The following DMGDH variants were observed in gnomAD, a reference collection of about 807,000 sequenced individuals.
The protein encoded by DMGDH is dimethylglycine dehydrogenase.
A neutral mutation model predicts 95.2 loss-of-function variants in DMGDH; 76 were observed. The ratio of observed to expected loss-of-function variants is 0.80; its 90% CI spans 0.66 to 0.97. The LOEUF (loss-of-function observed/expected upper bound fraction) is 0.97. Among genes scored for constraint, DMGDH ranks in the 50% least tolerant of loss-of-function variants. The probability of loss-of-function intolerance (pLI) is 0.00; values close to 1 mark genes in which losing one functional copy is unlikely to be tolerated. For missense variants in DMGDH, 987 were observed against 1,055.0 expected (o/e 0.94, Z 0.89); for synonymous variants, 345 against 377.6 (o/e 0.91, Z 1.00).
chr5:79,039,741 T>G (rs1754453742), intron 7 of DMGDH, among the ~76,000 whole-genome samples: 1 of 151,896 alleles, frequency 6.6e-6, no homozygotes, highest in Non-Finnish European at 1.5e-5. Context: ...ATAAAGAACT[T>G]TCAGTCTCAC....
In DMGDH at chr5:79,069,562, TGCAGCGGGCAGCTCCGCA is replaced by T; in HGVS notation, c.41_58del (p.Leu14_Leu19del). 7.5e-7 allele frequency: 1 copy of T among 1,341,782 alleles called. No homozygotes were observed. The highest frequency in any genetic ancestry group is 9.5e-7 in the Non-Finnish European group (1 of 1,047,422). The allele number at this position is 1,341,782 out of a possible 1,614,324, so 83.1% of individuals were successfully genotyped here. The stretch of plus-strand genomic sequence containing the variant: ...AGAGCGCGGGCGCCCGGGGGAGCCC[TGCAGCGGGCAGCTCCGCA>T]GCAGGAGGCCCCGCAGCAGCTGCGC... On this transcript the variant is annotated inframe_deletion, in exon 1 of 16. Coordinates refer to ENST00000255189, the MANE Select transcript of DMGDH (RefSeq NM_013391.3).
At chr5:79,028,059 C>T (rs373484129) in intron 12 of DMGDH, among the ~76,000 whole-genome samples, 4 of 152,134 alleles carry the variant, frequency 2.6e-5, no homozygotes, top group Admixed American at 6.5e-5. Context: ...AGGCTTGTCT[C>T]GAACTCCCGA....
At chr5:79,002,336 AAT>A (rs1264264638) in intron 15 of DMGDH, among the ~76,000 whole-genome samples, 1 of 152,204 alleles carries the variant, frequency 6.6e-6, no homozygotes, top group Non-Finnish European at 1.5e-5. Context: ...TGAGCCACCG[AAT>A]ATAAAGAAAG....
chr5:79,025,742 A>G (rs1473444339), intron 13 of DMGDH, among the ~76,000 whole-genome samples: 1 of 152,206 alleles, frequency 6.6e-6, no homozygotes, highest in Non-Finnish European at 1.5e-5. Flanking sequence ...CAAAGAAACA[A>G]CTACTGAATC....
At position 79,069,671 on chromosome 5, in the gene DMGDH, G is replaced by A. The variant is rs13188159; in HGVS notation, c.-51C>T. ...GCGCCTGCTCCGAGGCCAGCGGGCA[G>A]CCTGAGGCCGCGGGGCCGGCGGGGC... On this transcript the variant is annotated 5_prime_UTR_variant, in exon 1 of 16. Transcript: ENST00000255189. The A allele has an allele frequency of 1.5e-6, 2 of 1,292,342 alleles. No individual in the cohort carries two copies. Among genetic ancestry groups the A allele is most frequent in the Non-Finnish European group, 2.0e-6 (2 of 1,024,704 alleles). 80.1% of individuals were successfully genotyped at this position (1,292,342 alleles called of 1,614,324 possible).
intron 7 of DMGDH, among the ~76,000 whole-genome samples, chr5:79,040,879 T>C (rs1754489767): frequency 6.6e-6 from 1 of 152,106 alleles, no homozygotes; most frequent in African/African-American, 2.4e-5. Flanking sequence ...TGCCTGCATA[T>C]GGACTCTATA....
intron 14 of DMGDH, among the ~76,000 whole-genome samples, chr5:79,017,822 C>G (rs1753767481): frequency 6.6e-6 from 1 of 152,062 alleles, no homozygotes; most frequent in Non-Finnish European, 1.5e-5. Context: ...GATGCAAAAC[C>G]CAACTTTTTC....
intron 7 of DMGDH, among the ~76,000 whole-genome samples, chr5:79,041,652 G>A (rs1281721968): frequency 6.6e-6 from 1 of 152,114 alleles, no homozygotes; most frequent in East Asian, 1.9e-4. Flanking sequence ...AAGATACACA[G>A]CATAAAACCA....
At position 78,997,888 on chromosome 5, in the gene DMGDH, T is replaced by C. The variant is rs1405010073; in HGVS notation, c.*194A>G. 7 of 623,632 alleles carry C rather than the reference T, an allele frequency of 1.1e-5. No individual in the cohort carries two copies. The highest frequency in any genetic ancestry group is 1.7e-5 in the Non-Finnish European group (6 of 360,008). The allele number at this position is 623,632 out of a possible 1,614,324, so 38.6% of individuals were successfully genotyped here. On this transcript the variant is annotated 3_prime_UTR_variant, in exon 16 of 16. Coordinates refer to ENST00000255189, the MANE Select transcript of DMGDH (RefSeq NM_013391.3). ...CAAATTTCTTCATTTAAAAGAACAA[T>C]GTAAATCATTTATCTATTATTCTGT... is the stretch of plus-strand genomic sequence containing the variant.
At chr5:79,003,334 A>C (rs748132830) in intron 15 of DMGDH, among the ~76,000 whole-genome samples, 9 of 152,224 alleles carry the variant, frequency 5.9e-5, no homozygotes, top group Non-Finnish European at 1.0e-4. Flanking sequence ...GATCAGGTCA[A>C]ATAGTTAATT....
Position 79,018,234 on chromosome 5 carries a change from T to C in DMGDH, c.2250+6037A>G, listed in dbSNP as rs547586302. On this transcript the variant is annotated intron_variant, in intron 14 of 15. Transcript: ENST00000255189. ...GGCTAATTTTTTGTGGAGATGGAAG[T>C]CTCACTATGTTGCCCAGTCTGGTTT... Among the ~76,000 whole-genome samples the C allele has an allele frequency of 8.5e-5, 13 of 152,146 alleles. No individual in the cohort carries two copies. The South Asian group carries it at 2.5e-3, about 29-fold the overall frequency.
At chr5:79,063,931 C>A in intron 1 of DMGDH, 144 bp from the exon 2 acceptor site, 1 of 952,182 alleles carries the variant, frequency 1.1e-6, no homozygotes. Flanking sequence ...TAATTTGGAG[C>A]ATCTAAACTG....
intron 4 of DMGDH, 69 bp from the exon 5 acceptor site, chr5:79,051,560 G>A (rs1754863809): frequency 1.4e-6 from 2 of 1,400,662 alleles, no homozygotes; most frequent in South Asian, 1.2e-5. Context: ...AATATATCCT[G>A]CTAGTAAACG....
chr5:79,068,370 T>C (rs770846150), intron 1 of DMGDH, among the ~76,000 whole-genome samples: 2 of 152,232 alleles, frequency 1.3e-5, no homozygotes, highest in African/African-American at 4.8e-5. Flanking sequence ...CACTTTCACA[T>C]GCATTCTCTT....
chr5:79,024,207 C>T (rs529201906), intron 14 of DMGDH, 64 bp downstream of exon 14: 1 of 1,450,300 alleles, frequency 6.9e-7, no homozygotes, highest in East Asian at 2.3e-5. Context: ...AAGAATGGCT[C>T]TGTCACAAAA....
intron 1 of DMGDH, among the ~76,000 whole-genome samples, chr5:79,066,189 G>A (rs1451325594): frequency 6.6e-6 from 1 of 152,102 alleles, no homozygotes; most frequent in Non-Finnish European, 1.5e-5. Context: ...TCAAATCCAG[G>A]ATTCTGTCTC....
chr5:78,999,714 T>C (rs1753421620), intron 15 of DMGDH, among the ~76,000 whole-genome samples: 1 of 152,236 alleles, frequency 6.6e-6, no homozygotes, highest in Non-Finnish European at 1.5e-5. Context: ...AAAAATAAAA[T>C]GTGAATACAT....
intron 4 of DMGDH, 120 bp downstream of exon 4, chr5:79,054,064 A>T: frequency 9.0e-7 from 1 of 1,115,686 alleles, no homozygotes; most frequent in Non-Finnish European, 1.3e-6. Flanking sequence ...AATTAATCAT[A>T]TGATTTTGTC....
chr5:79,051,536 T>C (rs1280141963), intron 4 of DMGDH, 45 bp from the exon 5 acceptor site: 2 of 1,517,524 alleles, frequency 1.3e-6, no homozygotes, highest in East Asian at 4.7e-5. Flanking sequence ...TATATATACT[T>C]ATTACTCAGT....
Sources: gnomAD v4.1 joint callset for allele counts (sites outside exome capture counted in the v4.1 genomes callset) on GRCh38, gnomAD v4.1.1 for gene constraint, MANE v1.5 for transcripts, NCBI Gene and HGNC (gene_info 2026-07-23, HGNC 2026-07-21) for gene names.